IGDCC3: variants seen among roughly 807,000 people sequenced by gnomAD.
IGDCC3 encodes the protein immunoglobulin superfamily DCC subclass member 3.
In IGDCC3, 47 loss-of-function variants were observed where a neutral mutation model predicts 72.0. That is an observed-to-expected ratio of 0.65 (90% confidence interval 0.52 to 0.83). The LOEUF (loss-of-function observed/expected upper bound fraction) is 0.83, where lower values mean the gene tolerates loss of function less well. IGDCC3 is among the 40% of genes least tolerant of loss of function. The pLI, the probability that IGDCC3 is intolerant of heterozygous loss-of-function variation, is 0.00. For synonymous variants in IGDCC3, 477 were observed against 472.8 expected (o/e 1.01, Z -0.11); for missense variants, 1,038 against 1,091.3 (o/e 0.95, Z 0.69).
In IGDCC3 at chr15:65,377,509, C is replaced by T. The variant is rs2091366115; in HGVS notation, c.103+177G>A. 6.6e-6 allele frequency among the ~76,000 whole-genome samples: 1 copy of T among 152,192 alleles called. No homozygotes were observed. Among genetic ancestry groups the T allele is most frequent in the African/African-American group, 2.4e-5 (1 of 41,468 alleles). ...GTCCTCAACACGCCCCTAGGGCCCCCAGCAGTCCGGCCTTGGTACCCTCTC... is the reference window on the plus strand; with the variant it reads ...GTCCTCAACACGCCCCTAGGGCCCCTAGCAGTCCGGCCTTGGTACCCTCTC... On this transcript the variant is annotated intron_variant, in intron 1 of 13. Transcript: ENST00000327987. This position sits in a 1 kb window ranked among gnomAD's most constrained non-coding sequence, Gnocchi z 4.9.
At chr15:65,364,104 C>G (rs2091276119) in intron 2 of IGDCC3, among the ~76,000 whole-genome samples, 1 of 152,218 alleles carries the variant, frequency 6.6e-6, no homozygotes, top group African/African-American at 2.4e-5. Context: ...CTCCCCTACT[C>G]TCACATTACA....
intron 2 of IGDCC3, among the ~76,000 whole-genome samples, chr15:65,345,181 C>G (rs2091115190): frequency 1.3e-5 from 2 of 152,162 alleles, no homozygotes; most frequent in Non-Finnish European, 2.9e-5. Flanking sequence ...TCAGACAGGA[C>G]ATTCTGACAC....
chr15:65,365,382 G>A lies in IGDCC3; in HGVS notation c.409+9715C>T, dbSNP rs541521394. Among the ~76,000 whole-genome samples the A allele has an allele frequency of 7.4e-4, 113 of 152,174 alleles. 1 individual carries two copies. Among genetic ancestry groups the A allele is most frequent in the Admixed American group, 9.8e-4 (15 of 15,288 alleles). On this transcript the variant is annotated intron_variant, in intron 2 of 13. Transcript: ENST00000327987. ...CCCTCACATTCCAATGGCCTTGGGGGCAGCAGCCAGACCAGAAAGTCCAGT... is the reference window on the plus strand; with the variant it reads ...CCCTCACATTCCAATGGCCTTGGGGACAGCAGCCAGACCAGAAAGTCCAGT...
In IGDCC3 at chr15:65,331,542, C is replaced by T. The variant is rs781627149; in HGVS notation, c.1266G>A (p.Gly422=). The change falls in exon 8 of 14, where the codon GGG becomes GGA. Residue 422 remains glycine (G), a synonymous_variant. Coordinates refer to ENST00000327987, the MANE Select transcript of IGDCC3 (RefSeq NM_004884.4). ...SARLTVLWAE[G]LPGPPRNVRA... ...GCACATTGCGGGGAGGCCCGGGGAGCCCCTCAGCCCACAGTACGGTCAGCC... is the reference window on the plus strand; with the variant it reads ...GCACATTGCGGGGAGGCCCGGGGAGTCCCTCAGCCCACAGTACGGTCAGCC... 1 of 1,613,736 alleles carries T rather than the reference C, an allele frequency of 6.2e-7. No individual in the cohort carries two copies. The highest frequency in any genetic ancestry group is 1.1e-5 in the South Asian group (1 of 91,040).
chr15:65,364,970 G>A (rs1294186460), intron 2 of IGDCC3, among the ~76,000 whole-genome samples: 1 of 152,172 alleles, frequency 6.6e-6, no homozygotes. Context: ...GAACCAGAGG[G>A]CAGTGAAGAG....
rs1318505394 is a variant in IGDCC3, at chr15:65,339,100, G to C, written c.410-3144C>G. Reference sequence around the variant, plus strand: ...TAATTTCTTTTTTCTTTTTCTTTTTGAGACGGAATCTTGCTCTGTCACCCA... The same window carrying C: ...TAATTTCTTTTTTCTTTTTCTTTTTCAGACGGAATCTTGCTCTGTCACCCA... On this transcript the variant is annotated intron_variant, in intron 2 of 13. Transcript: ENST00000327987. This position sits in a 1 kb window ranked among gnomAD's most constrained non-coding sequence, Gnocchi z 4.1. Among the ~76,000 whole-genome samples the C allele has an allele frequency of 6.6e-6, 1 of 151,726 alleles. No individual in the cohort carries two copies. The highest frequency in any genetic ancestry group is 1.5e-5 in the Non-Finnish European group (1 of 67,928).
At chr15:65,359,256 C>A (rs763208194) in intron 2 of IGDCC3, among the ~76,000 whole-genome samples, 2 of 152,110 alleles carry the variant, frequency 1.3e-5, no homozygotes, top group South Asian at 2.1e-4. Flanking sequence ...TTTTTTCCCC[C>A]ATTTCCACAG....
rs373634820 is a variant in IGDCC3, at chr15:65,368,260, A to G, written c.409+6837T>C. Among the ~76,000 whole-genome samples, 86 of 146,360 alleles carry G rather than the reference A, an allele frequency of 5.9e-4. 1 individual carries two copies. In the South Asian group the frequency reaches 0.01, roughly 17 times the overall value. On this transcript the variant is annotated intron_variant, in intron 2 of 13. Coordinates refer to ENST00000327987, the MANE Select transcript of IGDCC3 (RefSeq NM_004884.4). ...GGAAAGGCAATACAAGAAGGCCAGG[A>G]GTGAAAAAGTCCTTTCTCCCTGGGG...
chr15:65,346,923 C>T (rs1456807727), intron 2 of IGDCC3, among the ~76,000 whole-genome samples: 3 of 152,184 alleles, frequency 2.0e-5, no homozygotes, highest in Admixed American at 2.0e-4. Flanking sequence ...TTCCAAATAC[C>T]AGCCAATGGT....
rs2090975190 is a variant in IGDCC3, at chr15:65,331,229, GGTGGGCAGGGGA to G, written c.1397-27_1397-16del. 2 of 1,612,858 alleles carry G rather than the reference GGTGGGCAGGGGA, an allele frequency of 1.2e-6. No homozygotes were observed. Among genetic ancestry groups the G allele is most frequent in the Admixed American group, 3.3e-5 (2 of 59,990 alleles). ...CTCCGGTGGGTCTGGAGAGGCACAG[GGTGGGCAGGGGA>G]GTGTGAAGGACTGGGGGAGTCCTGC... On this transcript the variant is annotated splice_polypyrimidine_tract_variant and intron_variant, in intron 8 of 13. Transcript: ENST00000327987.
At chr15:65,331,260 G>A in intron 8 of IGDCC3, 46 bp from the exon 9 acceptor site, 1 of 1,600,996 alleles carries the variant, frequency 6.2e-7, no homozygotes. Flanking sequence ...GACTGGGGGA[G>A]TCCTGCCAGC....
chr15:65,327,351 C>G lies in IGDCC3; in HGVS notation c.*1558G>C, dbSNP rs1020074010. The stretch of plus-strand genomic sequence containing the variant: ...CATTTGGGAGAAGGGAAGGGACTAC[C>G]CTTCCCCAAGTCCACGCGGACACAG... On this transcript the variant is annotated 3_prime_UTR_variant, in exon 14 of 14. Transcript: ENST00000327987. 2.6e-5 allele frequency: 4 copies of G among 152,360 alleles called. No individual in the cohort carries two copies. In the East Asian group the frequency reaches 5.8e-4, roughly 22 times the overall value. The allele number at this position is 152,360 out of a possible 1,614,324, so 9.4% of individuals were successfully genotyped here. A position where few individuals can be genotyped will look rare whatever the true frequency, so the allele number is the denominator to read the frequency against.
At chr15:65,333,019 A>C (rs869008) in intron 6 of IGDCC3, among the ~76,000 whole-genome samples, 139,823 of 152,156 alleles carry the variant, frequency 0.92, 65,001 homozygotes, top group East Asian at 1. Flanking sequence ...GTATTGACGG[A>C]CCCGGAGGGC....
At position 65,377,591 on chromosome 15, in the gene IGDCC3, C is replaced by A; in HGVS notation, c.103+95G>T. 8.2e-7 allele frequency: 1 copy of A among 1,225,376 alleles called. No homozygotes were observed. Among genetic ancestry groups the A allele is most frequent in the Non-Finnish European group, 1.0e-6 (1 of 965,190 alleles). The allele number at this position is 1,225,376 out of a possible 1,614,324, so 75.9% of individuals were successfully genotyped here. A position where few individuals can be genotyped will look rare whatever the true frequency, so the allele number is the denominator to read the frequency against. ...GGGGTCCGCCCTCAGGTCCGCGCCGCTCTCCCCGGGTCCGCCCCTCGCGCC... is the reference window on the plus strand; with the variant it reads ...GGGGTCCGCCCTCAGGTCCGCGCCGATCTCCCCGGGTCCGCCCCTCGCGCC... On this transcript the variant is annotated intron_variant, in intron 1 of 13. Transcript: ENST00000327987. The surrounding 1 kb of genome is among the most constrained non-coding windows in gnomAD (Gnocchi z 4.9).
intron 2 of IGDCC3, among the ~76,000 whole-genome samples, chr15:65,359,534 G>T (rs1415838733): frequency 6.6e-6 from 1 of 152,194 alleles, no homozygotes; most frequent in Non-Finnish European, 1.5e-5. Context: ...GGAAGACTGA[G>T]ATTTGAACTC....
chr15:65,366,833 C>T (rs571921986), intron 2 of IGDCC3, among the ~76,000 whole-genome samples: 49 of 152,364 alleles, frequency 3.2e-4, no homozygotes, highest in African/African-American at 9.6e-4. Flanking sequence ...CAACATCTAT[C>T]GTGAGTCCAG....
chr15:65,368,857 GT>G, intron 2 of IGDCC3, among the ~76,000 whole-genome samples: 1 of 152,152 alleles, frequency 6.6e-6, no homozygotes, highest in East Asian at 1.9e-4. Flanking sequence ...GGGGGGTGGG[GT>G]GGGGAGCAAA....
chr15:65,370,519 T>A (rs200387338), intron 2 of IGDCC3, among the ~76,000 whole-genome samples: 2,098 of 29,954 alleles, frequency 0.07, 71 homozygotes, highest in East Asian at 0.14. Context: ...AAAAAAAATA[T>A]ATATATATAT....
chr15:65,375,150 G>A lies in IGDCC3; in HGVS notation c.356C>T (p.Ala119Val). 6.2e-7 allele frequency: 1 copy of A among 1,614,150 alleles called. No homozygotes were observed. Among genetic ancestry groups the A allele is most frequent in the Non-Finnish European group, 8.5e-7 (1 of 1,180,024 alleles). ...GACCACCAGCCCAAAGCGGTTCTGGGCCACACACTCATAGTCACCTTCATC... is the reference window on the plus strand; with the variant it reads ...GACCACCAGCCCAAAGCGGTTCTGGACCACACACTCATAGTCACCTTCATC... Reference protein sequence around the residue: ...PSDEGDYECVAQNRFGLVVSR... With the variant: ...PSDEGDYECVVQNRFGLVVSR... The change falls in exon 2 of 14, where the codon GCC (alanine) becomes GTC (valine). Residue 119 changes from alanine (A) to valine (V), a missense_variant. Transcript: ENST00000327987.
Sources: allele counts gnomAD v4.1 joint callset (sites outside exome capture counted in the v4.1 genomes callset), GRCh38; gene constraint gnomAD v4.1.1; non-coding constraint Gnocchi (gnomAD v3.1); transcripts MANE v1.5; gene names NCBI Gene and HGNC (gene_info 2026-07-23, HGNC 2026-07-21).